SGCZ: variants seen among roughly 807,000 people sequenced by gnomAD.
SGCZ encodes the protein zeta-sarcoglycan.
In SGCZ, 40 loss-of-function variants were observed where a neutral mutation model predicts 41.3. The ratio of observed to expected loss-of-function variants is 0.97; its 90% CI spans 0.75 to 1.26. The LOEUF is 1.26. Among genes scored for constraint, SGCZ ranks in the 50% most tolerant of loss-of-function variants. The pLI is 0.00. For missense variants in SGCZ, 552 were observed against 369.8 expected, an observed-to-expected ratio of 1.49 and a Z score of -4.04; for synonymous variants, 206 against 137.5, an observed-to-expected ratio of 1.50 and a Z score of -3.49.
intron 1 of SGCZ, among the ~76,000 whole-genome samples, chr8:14,660,629 A>G (rs187898543): frequency 9.5e-4 from 145 of 151,922 alleles, no homozygotes; most frequent in South Asian, 7.3e-3. Context: ...GTCATTTAAT[A>G]GAGGCTTCAG....
intron 1 of SGCZ, among the ~76,000 whole-genome samples, chr8:15,236,478 A>G (rs1269326176): frequency 6.6e-6 from 1 of 152,154 alleles, no homozygotes; most frequent in Non-Finnish European, 1.5e-5. Flanking sequence ...CAAAGAAGCC[A>G]GAATCCATCT....
At chr8:14,951,671 C>G (rs779563141) in intron 1 of SGCZ, among the ~76,000 whole-genome samples, 6 of 151,890 alleles carry the variant, frequency 4.0e-5, no homozygotes, top group Non-Finnish European at 7.4e-5. Context: ...TTACAATGAT[C>G]AAATGATTAA....
intron 1 of SGCZ, among the ~76,000 whole-genome samples, chr8:15,193,169 T>C (rs7836517): frequency 0.42 from 64,085 of 151,754 alleles, 14,636 homozygotes; most frequent in African/African-American, 0.58. Context: ...ATTCTAATAG[T>C]TTAATGTATT....
chr8:14,108,691 C>G (rs1249397696), intron 5 of SGCZ, among the ~76,000 whole-genome samples: 1 of 151,982 alleles, frequency 6.6e-6, no homozygotes, highest in Non-Finnish European at 1.5e-5. Context: ...TGAGAGAGGA[C>G]ACAGAGCCAA....
In SGCZ at chr8:14,279,640, T is replaced by G. The variant is rs144635646; in HGVS notation, c.337-41961A>C. Among the ~76,000 whole-genome samples the G allele has an allele frequency of 1.3e-4, 20 of 152,174 alleles. No homozygotes were observed. The East Asian group carries it at 3.9e-3, about 29-fold the overall frequency. On this transcript the variant is annotated intron_variant, in intron 3 of 7. Coordinates refer to ENST00000382080, the MANE Select transcript of SGCZ (RefSeq NM_139167.4). ...AACATATGTTAACATACCACAGTGA[T>G]GGATATAGCTTCTTTGACTGCACAG...
intron 1 of SGCZ, among the ~76,000 whole-genome samples, chr8:14,998,520 G>A (rs2130906741): frequency 1.5e-5 from 2 of 132,284 alleles, no homozygotes; most frequent in African/African-American, 5.5e-5. Context: ...CCTTCAAACA[G>A]TTAACTTTTT....
chr8:14,967,046 G>A (rs952323113), intron 1 of SGCZ, among the ~76,000 whole-genome samples: 2 of 152,082 alleles, frequency 1.3e-5, no homozygotes, highest in Admixed American at 1.3e-4. Context: ...TTAAGCACCA[G>A]AAATACAAAG....
At chr8:14,374,971 A>G (rs1804058727) in intron 2 of SGCZ, among the ~76,000 whole-genome samples, 1 of 152,154 alleles carries the variant, frequency 6.6e-6, no homozygotes, top group South Asian at 2.1e-4. Flanking sequence ...AGATTATGTA[A>G]GGTTTCAGGT....
At chr8:14,880,955 A>T (rs964007528) in intron 1 of SGCZ, among the ~76,000 whole-genome samples, 1 of 121,522 alleles carries the variant, frequency 8.2e-6, no homozygotes, top group Non-Finnish European at 1.8e-5. Context: ...AAAGTATAAT[A>T]AAAAAAAAAG....
rs946440535 is a variant in SGCZ, at chr8:14,680,958, G to A, written c.40-126032C>T. Among the ~76,000 whole-genome samples the A allele has an allele frequency of 3.3e-4, 12 of 36,218 alleles. No individual in the cohort carries two copies. The East Asian group carries it at 7.6e-3, about 23-fold the overall frequency. 23.8% of individuals were successfully genotyped at this position (36,218 alleles called of 152,430 possible). A position where few individuals can be genotyped will look rare whatever the true frequency, so the allele number is the denominator to read the frequency against. On this transcript the variant is annotated intron_variant, in intron 1 of 7. Transcript: ENST00000382080. ...CCAAATGAAACATACAGAGGAAAAA[G>A]AGTGGGAAAAAAAAAAAAAAAAACA...
chr8:15,166,270 C>T (rs1337805420), intron 1 of SGCZ, among the ~76,000 whole-genome samples: 4 of 142,938 alleles, frequency 2.8e-5, no homozygotes, highest in East Asian at 4.2e-4. Context: ...TTTTTTGAGA[C>T]GGAGTCTCGC....
At chr8:14,513,091 G>T (rs184483217) in intron 2 of SGCZ, among the ~76,000 whole-genome samples, 83 of 152,204 alleles carry the variant, frequency 5.5e-4, no homozygotes, top group Admixed American at 4.3e-3. Flanking sequence ...TAACACACAG[G>T]TTTATGCAGT....
In SGCZ at chr8:14,411,123, G is replaced by T. The variant is rs570015607; in HGVS notation, c.235-86919C>A. 8.5e-5 allele frequency among the ~76,000 whole-genome samples: 13 copies of T among 152,122 alleles called. No individual in the cohort carries two copies. In the East Asian group the frequency reaches 2.5e-3, roughly 29 times the overall value. On this transcript the variant is annotated intron_variant, in intron 2 of 7. Transcript: ENST00000382080. ...AAATATCATTATGGCGCCAACCAAT[G>T]CGTTTTGTTTCTGCTATTATTGAGA...
At chr8:14,138,891 C>A (rs1803282607) in intron 5 of SGCZ, among the ~76,000 whole-genome samples, 1 of 152,174 alleles carries the variant, frequency 6.6e-6, no homozygotes, top group Non-Finnish European at 1.5e-5. Flanking sequence ...AATAAACATT[C>A]TTCTAAGCAC....
rs1803834670 is a variant in SGCZ at position 14,551,516 on chromosome 8, TTATATATAATATATATAATATATATAA to T, written c.234+3189_234+3215del. On this transcript the variant is annotated intron_variant, in intron 2 of 7. Transcript: ENST00000382080. ...ATATATATTATATATATTATATATATTATATATAATATATATAATATATATAATATATATAATATATATTATATATAT... is the reference window on the plus strand; with the variant it reads ...ATATATATTATATATATTATATATATTATATATAATATATATTATATATAT... 9.8e-4 allele frequency among the ~76,000 whole-genome samples: 10 copies of T among 10,180 alleles called. 1 individual carries two copies. The highest frequency in any genetic ancestry group is 1.9e-3 in the Admixed American group (1 of 526). The allele number at this position is 10,180 out of a possible 152,430, so 6.7% of individuals were successfully genotyped here.
intron 3 of SGCZ, among the ~76,000 whole-genome samples, chr8:14,307,747 A>G (rs1383589339): frequency 6.6e-6 from 1 of 152,140 alleles, no homozygotes; most frequent in Non-Finnish European, 1.5e-5. Flanking sequence ...TTTTAATATA[A>G]AGACATACAA....
chr8:15,126,816 G>A (rs1476266840), intron 1 of SGCZ, among the ~76,000 whole-genome samples: 1 of 152,098 alleles, frequency 6.6e-6, no homozygotes, highest in Admixed American at 6.6e-5. Flanking sequence ...AAAAGTGGGA[G>A]ATAATAGCCA....
At chr8:14,956,859 A>T (rs1800810533) in intron 1 of SGCZ, among the ~76,000 whole-genome samples, 1 of 152,216 alleles carries the variant, frequency 6.6e-6, no homozygotes, top group Non-Finnish European at 1.5e-5. Context: ...TTTTAGAAAG[A>T]GTAATGAATT....
At chr8:14,795,846 T>A (rs1207404325) in intron 1 of SGCZ, among the ~76,000 whole-genome samples, 1 of 152,098 alleles carries the variant, frequency 6.6e-6, no homozygotes, top group Non-Finnish European at 1.5e-5. Context: ...CTCCGAAAGA[T>A]CCCAGTGTGT....
Sources: allele counts gnomAD v4.1 joint callset (sites outside exome capture counted in the v4.1 genomes callset), GRCh38; gene constraint gnomAD v4.1.1; transcripts MANE v1.5; gene names NCBI Gene and HGNC (gene_info 2026-07-23, HGNC 2026-07-21).